The following PRKDC variants were observed in gnomAD, a reference collection of about 807,000 sequenced individuals.
The protein encoded by PRKDC is DNA-dependent protein kinase catalytic subunit.
PRKDC carries 82 observed loss-of-function variants against 486.9 expected under a neutral mutation model. The observed-to-expected ratio is 0.17, with a 90% CI of 0.14 to 0.20. The LOEUF (loss-of-function observed/expected upper bound fraction) is 0.20, where lower values mean the gene tolerates loss of function less well. PRKDC is among the 10% of genes least tolerant of loss of function. The pLI, the probability that PRKDC is intolerant of heterozygous loss-of-function variation, is 1.00. For synonymous variants in PRKDC, 1,895 were observed against 1,837.0 expected, an observed-to-expected ratio of 1.03 and a Z score of -0.81; for missense variants, 4,504 against 5,038.2, an observed-to-expected ratio of 0.89 and a Z score of 3.21.
intron 52 of PRKDC, 55 bp from the exon 53 acceptor site, chr8:47,849,558 T>A (rs8178170): frequency 6.3e-7 from 1 of 1,576,920 alleles, no homozygotes; most frequent in Non-Finnish European, 8.6e-7. Context: ...AGGTTAAGCA[T>A]TGAAAGCAAA....
At chr8:47,931,700 G>A (rs1432348659) in intron 16 of PRKDC, among the ~76,000 whole-genome samples, 14 of 152,086 alleles carry the variant, frequency 9.2e-5, no homozygotes, top group Non-Finnish European at 1.6e-4. Context: ...TAACTTCTCA[G>A]GACTGCAGTG....
At chr8:47,798,122 T>G in intron 73 of PRKDC, 115 bp downstream of exon 73, 1 of 1,113,382 alleles carries the variant, frequency 9.0e-7, no homozygotes, top group African/African-American at 1.6e-5. Context: ...AATTCACAGC[T>G]GGCTGGGAAA....
At chr8:47,956,793 G>T (rs1009811903) in intron 3 of PRKDC, among the ~76,000 whole-genome samples, 1 of 150,154 alleles carries the variant, frequency 6.7e-6, no homozygotes, top group Non-Finnish European at 1.5e-5. Flanking sequence ...TGTCGCCCAG[G>T]CTGCAGTGAA....
chr8:47,800,067 C>T (rs2087068077), intron 71 of PRKDC, among the ~76,000 whole-genome samples: 1 of 152,166 alleles, frequency 6.6e-6, no homozygotes, highest in Non-Finnish European at 1.5e-5. Flanking sequence ...TGTCAATTTT[C>T]CACATAAGAA....
At chr8:47,957,466 T>G in intron 1 of PRKDC, 35 bp from the exon 2 acceptor site, 1 of 1,509,986 alleles carries the variant, frequency 6.6e-7, no homozygotes, top group Non-Finnish European at 9.0e-7. Context: ...GTTAAGAGAG[T>G]GCCAAGAGCA....
At chr8:47,863,653 ATACT>A in intron 41 of PRKDC, 76 bp from the exon 42 acceptor site, 3 of 1,228,698 alleles carry the variant, frequency 2.4e-6, no homozygotes, top group Non-Finnish European at 3.4e-6. Context: ...ATCAAATTTA[ATACT>A]TAATATCCTT....
At chr8:47,911,800 C>G (rs1449706583) in intron 25 of PRKDC, among the ~76,000 whole-genome samples, 1 of 151,638 alleles carries the variant, frequency 6.6e-6, no homozygotes, top group Non-Finnish European at 1.5e-5. Context: ...GAATGAGTCT[C>G]ACTCTGTCTC....
intron 54 of PRKDC, among the ~76,000 whole-genome samples, chr8:47,842,458 A>G (rs2088171929): frequency 6.6e-6 from 1 of 152,164 alleles, no homozygotes; most frequent in African/African-American, 2.4e-5. Context: ...GATCCTATAC[A>G]GAGCCTCAGG....
At chr8:47,791,047 C>T (rs1294010589) in intron 74 of PRKDC, among the ~76,000 whole-genome samples, 1 of 152,126 alleles carries the variant, frequency 6.6e-6, no homozygotes, top group African/African-American at 2.4e-5. Flanking sequence ...CACATGCAAC[C>T]AAATTTAAAA....
chr8:47,828,246 A>C lies in PRKDC; in HGVS notation c.8499T>G (p.Thr2833=). Residue 2833 remains threonine, a synonymous_variant, in exon 62 of 86, where the codon ACT becomes ACG. Transcript: ENST00000314191. ...GATTGAAGTCTTGAAGCAACTTTTGAGTGATGTTGTTTTTTTCAGACAGTG... is the reference window on the plus strand; with the variant it reads ...GATTGAAGTCTTGAAGCAACTTTTGCGTGATGTTGTTTTTTTCAGACAGTG... The part of the protein sequence containing the change: ...FKTLSEKNNI[T]QKLLQDFNRF... 1 of 1,613,620 alleles carries C rather than the reference A, an allele frequency of 6.2e-7. No individual in the cohort carries two copies. Among genetic ancestry groups the C allele is most frequent in the Non-Finnish European group, 8.5e-7 (1 of 1,179,702 alleles).
At chr8:47,849,131 G>C in intron 54 of PRKDC, 23 bp downstream of exon 54, 1 of 1,610,486 alleles carries the variant, frequency 6.2e-7, no homozygotes, top group Non-Finnish European at 8.5e-7. Flanking sequence ...TGGGACCCAA[G>C]AGCAGGGCTA....
chr8:47,957,793 C>T (rs539876372), intron 1 of PRKDC, among the ~76,000 whole-genome samples: 6 of 152,260 alleles, frequency 3.9e-5, no homozygotes, highest in East Asian at 1.9e-4. Flanking sequence ...GGATTACAGG[C>T]GTGAGCCACC....
intron 1 of PRKDC, among the ~76,000 whole-genome samples, chr8:47,958,625 C>A (rs2090752425): frequency 6.6e-6 from 1 of 152,070 alleles, no homozygotes; most frequent in Non-Finnish European, 1.5e-5. Flanking sequence ...AATTTGAAAC[C>A]CTGAGAAGAG....
intron 43 of PRKDC, 31 bp from the exon 44 acceptor site, chr8:47,862,158 C>T (rs2088693116): frequency 1.3e-6 from 2 of 1,516,652 alleles, no homozygotes; most frequent in East Asian, 2.5e-5. Flanking sequence ...ATAAAAATAG[C>T]TGAATGGTGA....
chr8:47,842,986 G>A (rs571562430), intron 54 of PRKDC, among the ~76,000 whole-genome samples: 2 of 152,262 alleles, frequency 1.3e-5, no homozygotes, highest in African/African-American at 4.8e-5. Flanking sequence ...GCAACATGAT[G>A]AAACCCCATC....
rs2088727928 is a variant in PRKDC, at chr8:47,863,573, T to C, written c.5576A>G (p.Asn1859Ser). The change falls in exon 42 of 86, where the codon AAT becomes AGT. Residue 1859 changes from asparagine to serine, a missense_variant. Around this residue, in one of 6 missense-constraint regions of PRKDC, gnomAD observed 80 missense variants for 132.3 expected, o/e 0.60. Transcript: ENST00000314191. ...GATTTGAGTATCAAAGGTAGATTCA[T>C]TTAGCTTCAAAAAGGTAAAAAATAA... Reference protein sequence around the residue: ...DVLKSRFTKLNESTFDTQITK... With the variant: ...DVLKSRFTKLSESTFDTQITK... The C allele has an allele frequency of 6.2e-7, 1 of 1,607,660 alleles. No homozygotes were observed. Among genetic ancestry groups the C allele is most frequent in the South Asian group, 1.1e-5 (1 of 89,592 alleles).
intron 21 of PRKDC, among the ~76,000 whole-genome samples, chr8:47,926,182 A>T (rs1480960317): frequency 6.6e-6 from 1 of 152,244 alleles, no homozygotes; most frequent in Non-Finnish European, 1.5e-5. Flanking sequence ...ATGAATACTC[A>T]AATAATGGCA....
chr8:47,794,155 G>A, intron 74 of PRKDC, 135 bp downstream of exon 74: 1 of 731,022 alleles, frequency 1.4e-6, no homozygotes, highest in South Asian at 1.9e-5. Flanking sequence ...ATTCAACAAA[G>A]CGACGGCTAA....
At chr8:47,847,898 A>AT (rs2154500139) in intron 54 of PRKDC, among the ~76,000 whole-genome samples, 1 of 149,268 alleles carries the variant, frequency 6.7e-6, no homozygotes, top group African/African-American at 2.5e-5. Flanking sequence ...TATATATATA[A>AT]AAGTCATCAT....
Sources: allele counts gnomAD v4.1 joint callset (sites outside exome capture counted in the v4.1 genomes callset), GRCh38; gene constraint gnomAD v4.1.1; regional missense constraint gnomAD v4.1.1; transcripts MANE v1.5; gene names NCBI Gene and HGNC (gene_info 2026-07-23, HGNC 2026-07-21).